The following RERG variants were observed in gnomAD, a reference collection of about 807,000 sequenced individuals.
The protein encoded by RERG is RAS like estrogen regulated growth inhibitor.
A neutral mutation model predicts 23.2 loss-of-function variants in RERG; 25 were observed. The observed-to-expected ratio is 1.08, with a 90% CI of 0.79 to 1.50. RERG has a LOEUF of 1.50. Among genes scored for constraint, RERG ranks in the 40% most tolerant of loss-of-function variants. The pLI is 0.00. For missense variants in RERG, 253 were observed against 250.1 expected (o/e 1.01, Z -0.08); for synonymous variants, 81 against 89.1 (o/e 0.91, Z 0.51).
chr12:15,188,025 A>T (rs919658487), intron 2 of RERG, among the ~76,000 whole-genome samples: 1 of 152,166 alleles, frequency 6.6e-6, no homozygotes, highest in Non-Finnish European at 1.5e-5. Context: ...AAACTGGGTT[A>T]TAGAGTTCCA....
Position 15,200,391 on chromosome 12 carries a change from T to C in RERG, c.61+17038A>G, listed in dbSNP as rs182579646. Among the ~76,000 whole-genome samples, 334 of 151,494 alleles carry C rather than the reference T, an allele frequency of 2.2e-3. 3 individuals are homozygous for C. The highest frequency in any genetic ancestry group is 7.9e-3 in the African/African-American group (323 of 40,906). On this transcript the variant is annotated intron_variant, in intron 2 of 4. Coordinates refer to ENST00000256953, the MANE Select transcript of RERG (RefSeq NM_032918.3). The stretch of plus-strand genomic sequence containing the variant: ...CCAAAAAGCACCATCATCATGTAAT[T>C]CTGAATAATCAGTTACAGAATGAAA...
intron 2 of RERG, among the ~76,000 whole-genome samples, chr12:15,163,845 G>C (rs1864648414): frequency 6.6e-6 from 1 of 152,090 alleles, no homozygotes; most frequent in Non-Finnish European, 1.5e-5. Context: ...TAGAACTCTA[G>C]ATGGGACCCA....
intron 2 of RERG, among the ~76,000 whole-genome samples, chr12:15,145,680 TG>T (rs1309354945): frequency 6.6e-6 from 1 of 152,218 alleles, no homozygotes; most frequent in Non-Finnish European, 1.5e-5. Flanking sequence ...GACCAAATGA[TG>T]AAGACTTCCA....
At chr12:15,213,527 T>C (rs1006465150) in intron 2 of RERG, among the ~76,000 whole-genome samples, 1 of 152,188 alleles carries the variant, frequency 6.6e-6, no homozygotes, top group Non-Finnish European at 1.5e-5. Context: ...ACTATCCCTA[T>C]GCCAGCAAGC....
At chr12:15,113,519 G>T (rs1863662778) in intron 3 of RERG, among the ~76,000 whole-genome samples, 1 of 151,974 alleles carries the variant, frequency 6.6e-6, no homozygotes, top group Non-Finnish European at 1.5e-5. Context: ...AAACTCATAA[G>T]TTCTGCAGAA....
chr12:15,170,814 T>C (rs1864767590), intron 2 of RERG, among the ~76,000 whole-genome samples: 1 of 152,180 alleles, frequency 6.6e-6, no homozygotes, highest in African/African-American at 2.4e-5. Context: ...AACAACCACT[T>C]TTAAAAGTCT....
chr12:15,183,440 A>G (rs1262465950), intron 2 of RERG, among the ~76,000 whole-genome samples: 2 of 152,122 alleles, frequency 1.3e-5, no homozygotes, highest in Admixed American at 6.5e-5. Flanking sequence ...TCTTCCTGAA[A>G]TATATATTAA....
At chr12:15,130,700 A>T (rs1393911159) in intron 2 of RERG, among the ~76,000 whole-genome samples, 2 of 152,202 alleles carry the variant, frequency 1.3e-5, no homozygotes, top group Non-Finnish European at 2.9e-5. Flanking sequence ...ATGGGGGTCT[A>T]GGGATTGCTT....
chr12:15,151,620 A>C (rs1262083920), intron 2 of RERG, among the ~76,000 whole-genome samples: 1 of 152,222 alleles, frequency 6.6e-6, no homozygotes, highest in African/African-American at 2.4e-5. Context: ...CAAAAGGTAG[A>C]AATCTTTCAG....
At chr12:15,110,446 C>T (rs1565503805) in intron 4 of RERG, among the ~76,000 whole-genome samples, 1 of 139,074 alleles carries the variant, frequency 7.2e-6, no homozygotes, top group Non-Finnish European at 1.5e-5. Context: ...TTCTGTCATT[C>T]CAGTGGCCAT....
At chr12:15,125,602 A>G (rs1863923947) in intron 2 of RERG, among the ~76,000 whole-genome samples, 1 of 152,052 alleles carries the variant, frequency 6.6e-6, no homozygotes, top group South Asian at 2.1e-4. Context: ...AATTGTTTTC[A>G]GTTTGGTTTT....
At chr12:15,170,162 T>C (rs1224763781) in intron 2 of RERG, among the ~76,000 whole-genome samples, 3 of 152,170 alleles carry the variant, frequency 2.0e-5, no homozygotes, top group African/African-American at 7.2e-5. Flanking sequence ...AAAATAAAAG[T>C]GCAATTTTAT....
At chr12:15,190,495 T>A (rs1325656637) in intron 2 of RERG, among the ~76,000 whole-genome samples, 1 of 152,132 alleles carries the variant, frequency 6.6e-6, no homozygotes, top group Non-Finnish European at 1.5e-5. Flanking sequence ...TGGTAATGGG[T>A]TATGTACACA....
At chr12:15,109,654 A>G (rs965165791) in intron 4 of RERG, 137 bp from the exon 5 acceptor site, 2 of 634,186 alleles carry the variant, frequency 3.2e-6, no homozygotes, top group Non-Finnish European at 5.3e-6. Flanking sequence ...CTCTAATTGT[A>G]CAAACTTTCT....
intron 2 of RERG, among the ~76,000 whole-genome samples, chr12:15,160,795 G>A (rs1401594591): frequency 1.3e-5 from 2 of 152,052 alleles, no homozygotes; most frequent in South Asian, 4.1e-4. Context: ...AAATACATCA[G>A]GGTTTGCTCA....
At chr12:15,162,195 G>A (rs1040142948) in intron 2 of RERG, among the ~76,000 whole-genome samples, 3 of 152,174 alleles carry the variant, frequency 2.0e-5, no homozygotes, top group Non-Finnish European at 4.4e-5. Flanking sequence ...AGGGCCGAAG[G>A]ACCTAAATCT....
rs139397666 is a variant in RERG at position 15,181,416 on chromosome 12, G to C, written c.61+36013C>G. ...CCATTCATCAAGATTGCTAATGGCT[G>C]GGCTTTGCAGACTTAAAATGTGAGA... On this transcript the variant is annotated intron_variant, in intron 2 of 4. Coordinates refer to ENST00000256953, the MANE Select transcript of RERG (RefSeq NM_032918.3). Among the ~76,000 whole-genome samples the C allele has an allele frequency of 1.6e-4, 25 of 152,284 alleles. No homozygotes were observed. The East Asian group carries it at 4.8e-3, about 29-fold the overall frequency.
At chr12:15,205,336 G>A (rs770139787) in intron 2 of RERG, among the ~76,000 whole-genome samples, 6 of 151,978 alleles carry the variant, frequency 3.9e-5, no homozygotes, top group Non-Finnish European at 8.8e-5. Flanking sequence ...ACAAATATTT[G>A]TAAACCGATA....
intron 2 of RERG, among the ~76,000 whole-genome samples, chr12:15,123,920 C>G (rs1318101369): frequency 6.6e-6 from 1 of 152,124 alleles, no homozygotes; most frequent in Non-Finnish European, 1.5e-5. Context: ...ACAACCCCTG[C>G]CTTTCCATTA....
Sources: allele counts gnomAD v4.1 joint callset (sites outside exome capture counted in the v4.1 genomes callset), GRCh38; gene constraint gnomAD v4.1.1; transcripts MANE v1.5; gene names NCBI Gene and HGNC (gene_info 2026-07-23, HGNC 2026-07-21).